Variants in MPPED2 observed in about 807,000 individuals in gnomAD.
MPPED2 encodes metallophosphoesterase MPPED2.
MPPED2 carries 5 observed loss-of-function variants against 33.0 expected under a neutral mutation model. The ratio of observed to expected loss-of-function variants is 0.15; its 90% CI spans 0.08 to 0.32. MPPED2 has a LOEUF of 0.32. Among genes scored for constraint, MPPED2 ranks in the 10% least tolerant of loss-of-function variants. MPPED2 has a pLI of 1.00. For missense variants in MPPED2, 275 were observed against 372.1 expected, an observed-to-expected ratio of 0.74 and a Z score of 2.15; for synonymous variants, 136 against 141.9, an observed-to-expected ratio of 0.96 and a Z score of 0.29.
intron 4 of MPPED2, chr11:30,451,955 A>G: frequency 1.0e-6 from 1 of 985,436 alleles, no homozygotes; most frequent in African/African-American, 1.7e-5. Flanking sequence ...ACACCAATTA[A>G]TTCGGCCTCA....
At chr11:30,404,655 C>G (rs561850373) in intron 6 of MPPED2, among the ~76,000 whole-genome samples, 2 of 152,308 alleles carry the variant, frequency 1.3e-5, no homozygotes, top group South Asian at 2.1e-4. Flanking sequence ...CCCCAACTTT[C>G]TTTTATTGTT....
At chr11:30,440,913 G>C (rs1949543754) in intron 4 of MPPED2, among the ~76,000 whole-genome samples, 1 of 152,170 alleles carries the variant, frequency 6.6e-6, no homozygotes, top group South Asian at 2.1e-4. Flanking sequence ...ATATGTCTGG[G>C]CTTAAAAACG....
chr11:30,445,962 C>G (rs1949788032), intron 4 of MPPED2, among the ~76,000 whole-genome samples: 1 of 152,214 alleles, frequency 6.6e-6, no homozygotes, highest in Non-Finnish European at 1.5e-5. Flanking sequence ...AGCAACTACT[C>G]TCTTCCCTAG....
chr11:30,392,091 T>C (rs1947785470), intron 6 of MPPED2, among the ~76,000 whole-genome samples: 1 of 152,222 alleles, frequency 6.6e-6, no homozygotes, highest in South Asian at 2.1e-4. Context: ...GTTCAAACTA[T>C]ACTATTTCTC....
intron 4 of MPPED2, among the ~76,000 whole-genome samples, chr11:30,466,662 G>A (rs989523964): frequency 5.9e-5 from 9 of 152,232 alleles, no homozygotes; most frequent in African/African-American, 2.2e-4. Context: ...AAGGGGCAGT[G>A]ATGCAAATGA....
At chr11:30,529,430 G>A (rs1169746737) in intron 3 of MPPED2, among the ~76,000 whole-genome samples, 1 of 152,214 alleles carries the variant, frequency 6.6e-6, no homozygotes, top group African/African-American at 2.4e-5. Context: ...ACCACATTCA[G>A]TGATGTGAAA....
chr11:30,577,353 T>C (rs939827300), intron 2 of MPPED2, among the ~76,000 whole-genome samples: 3 of 152,190 alleles, frequency 2.0e-5, no homozygotes, highest in Admixed American at 6.5e-5. Context: ...TTTTTAACTA[T>C]AATCCAAGTG....
intron 2 of MPPED2, among the ~76,000 whole-genome samples, chr11:30,551,546 T>C (rs1246470671): frequency 6.6e-6 from 1 of 152,226 alleles, no homozygotes; most frequent in East Asian, 1.9e-4. Flanking sequence ...GTTTGGTCCA[T>C]TTTGATACTG....
At chr11:30,426,356 GA>G (rs1334187804) in intron 4 of MPPED2, among the ~76,000 whole-genome samples, 1 of 152,004 alleles carries the variant, frequency 6.6e-6, no homozygotes, top group Non-Finnish European at 1.5e-5. Flanking sequence ...TTTTACAGCT[GA>G]ATGATATGCC....
At chr11:30,567,094 G>A (rs1419197594) in intron 2 of MPPED2, among the ~76,000 whole-genome samples, 2 of 152,142 alleles carry the variant, frequency 1.3e-5, no homozygotes, top group Non-Finnish European at 2.9e-5. Flanking sequence ...TAGAAAGCTG[G>A]ACTTATAATG....
At chr11:30,584,939 A>T (rs1364500607) in intron 1 of MPPED2, 1 of 152,204 alleles carries the variant, frequency 6.6e-6, no homozygotes, top group Non-Finnish European at 1.5e-5. Flanking sequence ...CAGCATCTCA[A>T]ATCAATTATA....
In MPPED2 at chr11:30,511,479, CTT is replaced by C. The variant is rs1424645266; in HGVS notation, c.311-15960_311-15959del. Among the ~76,000 whole-genome samples, 8 of 152,298 alleles carry C rather than the reference CTT, an allele frequency of 5.3e-5. No homozygotes were observed. In the East Asian group the frequency reaches 1.5e-3, roughly 29 times the overall value. ...AAGATATGGCAATCCAGGAAGGTGT[CTT>C]TGAGGGGGATAAGTCAATATTTTCT... is the stretch of plus-strand genomic sequence containing the variant. On this transcript the variant is annotated intron_variant, in intron 3 of 6. Transcript: ENST00000358117.
intron 3 of MPPED2, among the ~76,000 whole-genome samples, chr11:30,504,329 G>T (rs1334403550): frequency 6.6e-6 from 1 of 152,048 alleles, no homozygotes; most frequent in African/African-American, 2.4e-5. Flanking sequence ...GAAGATGAAA[G>T]GAAAAAAGTA....
intron 2 of MPPED2, among the ~76,000 whole-genome samples, chr11:30,547,862 G>T (rs1955509359): frequency 6.6e-6 from 1 of 152,214 alleles, no homozygotes; most frequent in East Asian, 1.9e-4. Flanking sequence ...ATATTCTTTT[G>T]CAGAGGTTAC....
chr11:30,577,769 T>G (rs767176058), intron 2 of MPPED2, among the ~76,000 whole-genome samples: 40 of 152,256 alleles, frequency 2.6e-4, no homozygotes, highest in Non-Finnish European at 5.1e-4. Flanking sequence ...TAAGCCAGCC[T>G]CCTGACAACA....
At chr11:30,447,930 T>C (rs780234840) in intron 4 of MPPED2, among the ~76,000 whole-genome samples, 3 of 152,146 alleles carry the variant, frequency 2.0e-5, no homozygotes, top group Non-Finnish European at 4.4e-5. Context: ...AAGAAAGCTA[T>C]AGACCCTCGA....
intron 2 of MPPED2, among the ~76,000 whole-genome samples, chr11:30,555,535 T>C (rs138350772): frequency 6.6e-6 from 1 of 152,274 alleles, no homozygotes; most frequent in African/African-American, 2.4e-5. Context: ...GGGAGGTAAC[T>C]GAATCATGGG....
chr11:30,515,273 T>A (rs1416718265), intron 3 of MPPED2, among the ~76,000 whole-genome samples: 1 of 152,004 alleles, frequency 6.6e-6, no homozygotes, highest in South Asian at 2.1e-4. Flanking sequence ...GCAGAATATA[T>A]CCCCAATCCC....
intron 4 of MPPED2, among the ~76,000 whole-genome samples, chr11:30,433,628 C>T (rs750337291): frequency 6.6e-6 from 1 of 152,184 alleles, no homozygotes; most frequent in Non-Finnish European, 1.5e-5. Context: ...CACCCCGTCA[C>T]TGCTTTCTTT....
Sources: gnomAD v4.1 joint callset for allele counts (sites outside exome capture counted in the v4.1 genomes callset) on GRCh38, gnomAD v4.1.1 for gene constraint, MANE v1.5 for transcripts, NCBI Gene and HGNC (gene_info 2026-07-23, HGNC 2026-07-21) for gene names.